The following KIAA1217 variants were observed in gnomAD, a reference collection of about 807,000 sequenced individuals.
KIAA1217 encodes the protein sickle tail protein homolog.
A neutral mutation model predicts 163.9 loss-of-function variants in KIAA1217; 88 were observed. The observed-to-expected ratio is 0.54, with a 90% confidence interval of 0.45 to 0.64. The LOEUF is 0.64. KIAA1217 is among the 30% of genes least tolerant of loss of function. The pLI is 0.00. For missense variants in KIAA1217, 2,372 were observed against 2,475.0 expected (o/e 0.96, Z 0.88); for synonymous variants, 903 against 923.1 (o/e 0.98, Z 0.39).
At chr10:23,779,048 G>C (rs1835134215) in intron 1 of KIAA1217, among the ~76,000 whole-genome samples, 1 of 152,118 alleles carries the variant, frequency 6.6e-6, no homozygotes, top group African/African-American at 2.4e-5. Flanking sequence ...TCTACTTGTA[G>C]AAGACATTTT....
intron 2 of KIAA1217, among the ~76,000 whole-genome samples, chr10:24,281,515 A>G (rs1189779479): frequency 6.6e-6 from 1 of 152,166 alleles, no homozygotes; most frequent in Admixed American, 6.5e-5. Context: ...TGTTTCATAT[A>G]TTTATGATAC....
At chr10:24,501,993 C>T (rs976982610) in intron 9 of KIAA1217, among the ~76,000 whole-genome samples, 1 of 151,964 alleles carries the variant, frequency 6.6e-6, no homozygotes, top group Non-Finnish European at 1.5e-5. Flanking sequence ...TCGTGATCCA[C>T]CTGCCTCGGC....
chr10:23,785,218 A>G (rs1835437045), intron 1 of KIAA1217, among the ~76,000 whole-genome samples: 1 of 152,120 alleles, frequency 6.6e-6, no homozygotes, highest in Non-Finnish European at 1.5e-5. Context: ...TACACCCAGA[A>G]GTTCCCAGAT....
intron 9 of KIAA1217, among the ~76,000 whole-genome samples, chr10:24,504,074 G>C (rs1383602058): frequency 3.9e-5 from 6 of 152,180 alleles, no homozygotes; most frequent in Non-Finnish European, 7.3e-5. Context: ...TCAGTGGCTG[G>C]CGTAGTTTGG....
At chr10:23,814,819 CAA>C (rs11396330) in intron 1 of KIAA1217, among the ~76,000 whole-genome samples, 1 of 146,116 alleles carries the variant, frequency 6.8e-6, no homozygotes. Context: ...AGTAGATAAC[CAA>C]AAAAAAAAAT....
chr10:24,244,619 C>T (rs1231419175), intron 2 of KIAA1217, among the ~76,000 whole-genome samples: 1 of 140,254 alleles, frequency 7.1e-6, no homozygotes, highest in Non-Finnish European at 1.5e-5. Context: ...GGCGGGAGTG[C>T]AGTGGCGAGA....
intron 2 of KIAA1217, among the ~76,000 whole-genome samples, chr10:24,065,448 C>G (rs1164181295): frequency 2.0e-5 from 3 of 151,970 alleles, no homozygotes; most frequent in South Asian, 2.1e-4. Context: ...TGTAGTTGAG[C>G]GGTTTTGAGT....
intron 2 of KIAA1217, among the ~76,000 whole-genome samples, chr10:24,311,795 C>T (rs571366689): frequency 5.9e-5 from 9 of 152,084 alleles, no homozygotes; most frequent in Non-Finnish European, 1.0e-4. Context: ...TTATCCTCTG[C>T]GGGTGAAAAA....
intron 2 of KIAA1217, among the ~76,000 whole-genome samples, chr10:24,244,808 G>A (rs982594682): frequency 2.6e-5 from 4 of 151,760 alleles, no homozygotes; most frequent in African/African-American, 7.3e-5. Context: ...CAAGTGATCC[G>A]CCTGCCTCAT....
At chr10:24,378,864 G>T (rs571550097) in intron 2 of KIAA1217, among the ~76,000 whole-genome samples, 3 of 152,268 alleles carry the variant, frequency 2.0e-5, no homozygotes, top group Admixed American at 1.3e-4. Context: ...TTTAGGAAGT[G>T]AGGGGAGAAA....
At chr10:24,121,125 C>G (rs2063266400) in intron 2 of KIAA1217, among the ~76,000 whole-genome samples, 1 of 152,168 alleles carries the variant, frequency 6.6e-6, no homozygotes, top group Non-Finnish European at 1.5e-5. Flanking sequence ...ATTCAGCTGT[C>G]TAGCTTCCAA....
Position 23,816,211 on chromosome 10 carries a change from T to G in KIAA1217, c.-321+120977T>G, listed in dbSNP as rs544204843. On this transcript the variant is annotated intron_variant, in intron 1 of 18. Transcript: ENST00000376462. The stretch of plus-strand genomic sequence containing the variant: ...CACACAAAGCAGTACTAGGTTACAA[T>G]TTTTTCTTTTTTGCAAACATTACTT... Among the ~76,000 whole-genome samples the G allele has an allele frequency of 2.6e-3, 389 of 152,310 alleles. 1 individual carries two copies. Among genetic ancestry groups the G allele is most frequent in the Non-Finnish European group, 3.4e-3 (231 of 68,028 alleles).
At chr10:23,762,362 A>T (rs1834303420) in intron 1 of KIAA1217, among the ~76,000 whole-genome samples, 1 of 152,030 alleles carries the variant, frequency 6.6e-6, no homozygotes, top group South Asian at 2.1e-4. Context: ...CATCAATGTG[A>T]AATCCTCATT....
chr10:23,723,938 T>C (rs1415985216), intron 1 of KIAA1217, among the ~76,000 whole-genome samples: 1 of 152,174 alleles, frequency 6.6e-6, no homozygotes, highest in Non-Finnish European at 1.5e-5. Flanking sequence ...GTTTCTGCTT[T>C]TGGGGAAGCC....
intron 1 of KIAA1217, among the ~76,000 whole-genome samples, chr10:23,996,345 A>G (rs1476638058): frequency 6.6e-6 from 1 of 152,132 alleles, no homozygotes; most frequent in African/African-American, 2.4e-5. Flanking sequence ...GGGGACCATA[A>G]CCGCAAAATG....
intron 1 of KIAA1217, among the ~76,000 whole-genome samples, chr10:23,923,704 A>G (rs1023453928): frequency 6.6e-6 from 1 of 152,240 alleles, no homozygotes; most frequent in Non-Finnish European, 1.5e-5. Flanking sequence ...AGCTCACAGC[A>G]GTAACCAGCC....
At chr10:24,010,280 G>T (rs750849039) in intron 2 of KIAA1217, among the ~76,000 whole-genome samples, 5 of 151,662 alleles carry the variant, frequency 3.3e-5, no homozygotes, top group Non-Finnish European at 5.9e-5. Flanking sequence ...TTTTGTTCTT[G>T]TCACAGATAA....
At chr10:24,186,648 T>A (rs377550181) in intron 2 of KIAA1217, among the ~76,000 whole-genome samples, 1 of 152,134 alleles carries the variant, frequency 6.6e-6, no homozygotes, top group African/African-American at 2.4e-5. Context: ...CCCACCACTT[T>A]GAGAGGCTGA....
chr10:23,742,203 G>A (rs920834855), intron 1 of KIAA1217, among the ~76,000 whole-genome samples: 2 of 152,108 alleles, frequency 1.3e-5, no homozygotes, highest in African/African-American at 2.4e-5. Flanking sequence ...ATGCATGCAA[G>A]ATTTTTGCCT....
Sources: allele counts gnomAD v4.1 joint callset (sites outside exome capture counted in the v4.1 genomes callset), GRCh38; gene constraint gnomAD v4.1.1; transcripts MANE v1.5; gene names NCBI Gene and HGNC (gene_info 2026-07-23, HGNC 2026-07-21).